The following LRMDA variants were observed in gnomAD, a reference collection of about 807,000 sequenced individuals.
LRMDA encodes leucine-rich melanocyte differentiation-associated protein.
A neutral mutation model predicts 29.8 loss-of-function variants in LRMDA; 18 were observed. The ratio of observed to expected loss-of-function variants is 0.60; its 90% CI spans 0.42 to 0.90. The LOEUF (loss-of-function observed/expected upper bound fraction) is 0.90. Ranked by LOEUF, LRMDA falls within the 40% of genes least tolerant of loss-of-function variation. The pLI, the probability that LRMDA is intolerant of heterozygous loss-of-function variation, is 0.00. For synonymous variants in LRMDA, 125 were observed against 109.4 expected (o/e 1.14, Z -0.89); for missense variants, 273 against 273.9 (o/e 1.00, Z 0.02).
At chr10:76,433,370 T>C (rs1842211284) in intron 6 of LRMDA, among the ~76,000 whole-genome samples, 1 of 152,056 alleles carries the variant, frequency 6.6e-6, no homozygotes, top group South Asian at 2.1e-4. Context: ...CAGGCTGAAA[T>C]GAATATAATA....
chr10:76,305,481 G>A (rs1840542918), intron 5 of LRMDA, among the ~76,000 whole-genome samples: 1 of 152,166 alleles, frequency 6.6e-6, no homozygotes, highest in African/African-American at 2.4e-5. Flanking sequence ...TACCTAGAAT[G>A]GGATCTCCCA....
chr10:75,476,863 G>A (rs1844799899), intron 2 of LRMDA, among the ~76,000 whole-genome samples: 1 of 152,172 alleles, frequency 6.6e-6, no homozygotes, highest in African/African-American at 2.4e-5. Flanking sequence ...AGTGTCAGGA[G>A]AATTGATTTC....
At chr10:75,925,105 C>T (rs757141187) in intron 2 of LRMDA, among the ~76,000 whole-genome samples, 2 of 152,182 alleles carry the variant, frequency 1.3e-5, no homozygotes, top group Non-Finnish European at 2.9e-5. Context: ...AATACCAAGT[C>T]GTCCTGGGAC....
chr10:75,869,981 C>A (rs1036371008), intron 2 of LRMDA, among the ~76,000 whole-genome samples: 1 of 152,184 alleles, frequency 6.6e-6, no homozygotes, highest in African/African-American at 2.4e-5. Flanking sequence ...ATTGTCCTCT[C>A]CCCTCTTGCT....
chr10:75,746,238 A>C (rs1049768860), intron 2 of LRMDA, among the ~76,000 whole-genome samples: 1 of 152,228 alleles, frequency 6.6e-6, no homozygotes, highest in Admixed American at 6.5e-5. Context: ...TCATTACGTA[A>C]ATAATTTAAT....
At chr10:75,645,919 GTC>G (rs140456639) in intron 2 of LRMDA, among the ~76,000 whole-genome samples, 1 of 151,130 alleles carries the variant, frequency 6.6e-6, no homozygotes, top group African/African-American at 2.4e-5. Flanking sequence ...CCTTTTCTTT[GTC>G]TCTCTATCTT....
At chr10:76,557,131 T>A in intron 6 of LRMDA, 78 bp from the exon 7 acceptor site, 1 of 1,124,992 alleles carries the variant, frequency 8.9e-7, no homozygotes, top group Non-Finnish European at 1.4e-6. Context: ...TTATCTTGCA[T>A]GTCTGCTTTT....
At chr10:76,018,422 C>T (rs776866460) in intron 2 of LRMDA, among the ~76,000 whole-genome samples, 2 of 152,080 alleles carry the variant, frequency 1.3e-5, no homozygotes, top group Non-Finnish European at 2.9e-5. Context: ...TTCAAATCAC[C>T]GTAGGGATCT....
chr10:75,571,324 G>A (rs1840434997), intron 2 of LRMDA, among the ~76,000 whole-genome samples: 1 of 152,168 alleles, frequency 6.6e-6, no homozygotes, highest in Non-Finnish European at 1.5e-5. Flanking sequence ...AATTTCCAGT[G>A]TTCTGCCACA....
At chr10:76,435,650 A>G (rs1842237446) in intron 6 of LRMDA, among the ~76,000 whole-genome samples, 1 of 152,198 alleles carries the variant, frequency 6.6e-6, no homozygotes, top group Non-Finnish European at 1.5e-5. Flanking sequence ...GAAAGACTTC[A>G]TAGAATCACC....
rs376992160 is a variant in LRMDA, at chr10:75,994,584, G to A, written c.132-41424G>A. Among the ~76,000 whole-genome samples, 37 of 152,270 alleles carry A rather than the reference G, an allele frequency of 2.4e-4. No individual in the cohort carries two copies. In the East Asian group the frequency reaches 4.1e-3, roughly 17 times the overall value. On this transcript the variant is annotated intron_variant, in intron 2 of 6. Coordinates refer to ENST00000611255, the MANE Select transcript of LRMDA (RefSeq NM_001305581.2). ...GGCTGGACACTCCATGTTGCCTGAG[G>A]CCACCACCCTTTGGACTAAGAGACA...
intron 2 of LRMDA, among the ~76,000 whole-genome samples, chr10:76,015,336 C>T (rs1205357450): frequency 6.6e-6 from 1 of 152,202 alleles, no homozygotes; most frequent in East Asian, 1.9e-4. Context: ...CAAGGCTTCC[C>T]AGGGAGGATC....
At chr10:75,843,709 T>A (rs887236722) in intron 2 of LRMDA, among the ~76,000 whole-genome samples, 6 of 152,228 alleles carry the variant, frequency 3.9e-5, no homozygotes, top group Non-Finnish European at 8.8e-5. Context: ...AGACATGTGC[T>A]TGGCACAGTG....
chr10:75,829,173 G>A (rs1441813360), intron 2 of LRMDA, among the ~76,000 whole-genome samples: 1 of 152,144 alleles, frequency 6.6e-6, no homozygotes, highest in Non-Finnish European at 1.5e-5. Flanking sequence ...CCCATGAGAT[G>A]ATGTTCCAGA....
chr10:76,550,149 G>A (rs768528683), intron 6 of LRMDA, among the ~76,000 whole-genome samples: 3 of 152,164 alleles, frequency 2.0e-5, no homozygotes, highest in Admixed American at 6.5e-5. Context: ...AAATGAAAAT[G>A]TTAAAAATAG....
At chr10:75,935,101 GA>G (rs1362058850) in intron 2 of LRMDA, among the ~76,000 whole-genome samples, 1 of 152,100 alleles carries the variant, frequency 6.6e-6, no homozygotes, top group Non-Finnish European at 1.5e-5. Flanking sequence ...AAAGAAACAA[GA>G]ATCCTTTTTC....
intron 2 of LRMDA, among the ~76,000 whole-genome samples, chr10:75,807,810 G>T (rs1843883019): frequency 6.6e-6 from 1 of 152,178 alleles, no homozygotes; most frequent in African/African-American, 2.4e-5. Flanking sequence ...AATAGGGAGT[G>T]TGTAAACAGA....
In LRMDA at chr10:75,674,603, G is replaced by A. The variant is rs568672831; in HGVS notation, c.131+236109G>A. Among the ~76,000 whole-genome samples, 15 of 152,236 alleles carry A rather than the reference G, an allele frequency of 9.9e-5. No individual in the cohort carries two copies. In the East Asian group the frequency reaches 1.2e-3, roughly 12 times the overall value. Reference sequence around the variant, plus strand: ...TAATGCGATCCTTAAAGAGGCCACCGCTTCAGATAATTGTCCCTTTCTGTT... The same window carrying A: ...TAATGCGATCCTTAAAGAGGCCACCACTTCAGATAATTGTCCCTTTCTGTT... On this transcript the variant is annotated intron_variant, in intron 2 of 6. Transcript: ENST00000611255.
intron 5 of LRMDA, among the ~76,000 whole-genome samples, chr10:76,079,214 C>T (rs1190775524): frequency 6.6e-6 from 1 of 152,064 alleles, no homozygotes. Flanking sequence ...GACCTTTGTG[C>T]CTTATAGTAC....
Sources: gnomAD v4.1 joint callset for allele counts (sites outside exome capture counted in the v4.1 genomes callset) on GRCh38, gnomAD v4.1.1 for gene constraint, MANE v1.5 for transcripts, NCBI Gene and HGNC (gene_info 2026-07-23, HGNC 2026-07-21) for gene names.